Variants in MED12L observed in about 807,000 individuals in gnomAD.
The protein encoded by MED12L is mediator complex subunit 12L, also known as mediator of RNA polymerase II transcription subunit 12-like protein.
MED12L carries 60 observed loss-of-function variants against 281.3 expected under a neutral mutation model. The observed-to-expected ratio is 0.21, with a 90% CI of 0.17 to 0.26. MED12L has a LOEUF of 0.26. Ranked by LOEUF, MED12L falls within the 10% of genes least tolerant of loss-of-function variation. The pLI, the probability that MED12L is intolerant of heterozygous loss-of-function variation, is 1.00. For missense variants in MED12L, 2,146 were observed against 2,680.9 expected (o/e 0.80, Z 4.41); for synonymous variants, 974 against 987.2 (o/e 0.99, Z 0.25).
At chr3:151,106,606 C>T in intron 2 of MED12L, among the ~76,000 whole-genome samples, 1 of 152,180 alleles carries the variant, frequency 6.6e-6, no homozygotes, top group Non-Finnish European at 1.5e-5. Context: ...CAGCTGCATT[C>T]CACTTCCTGC....
chr3:151,309,119 GCACACACACACACACA>G (rs1177424724), intron 16 of MED12L, among the ~76,000 whole-genome samples: 1 of 144,234 alleles, frequency 6.9e-6, no homozygotes, highest in Admixed American at 6.8e-5. Context: ...TGAAATACAC[GCACACACACACACACA>G]CACACGCACA....
At chr3:151,287,142 A>G (rs997879614) in intron 16 of MED12L, among the ~76,000 whole-genome samples, 6 of 152,224 alleles carry the variant, frequency 3.9e-5, no homozygotes, top group Non-Finnish European at 8.8e-5. Flanking sequence ...TAATCAGTCA[A>G]TGTTAAAAGT....
intron 16 of MED12L, among the ~76,000 whole-genome samples, chr3:151,290,177 C>G (rs142762143): frequency 6.6e-6 from 1 of 152,160 alleles, no homozygotes. Flanking sequence ...TGAGCCACCA[C>G]TTCCGACCGT....
intron 16 of MED12L, among the ~76,000 whole-genome samples, chr3:151,261,163 T>C (rs1044412604): frequency 1.8e-4 from 28 of 152,172 alleles, no homozygotes; most frequent in African/African-American, 6.3e-4. Context: ...TAAATTATAC[T>C]GTTCCCCATT....
intron 43 of MED12L, chr3:151,425,804 C>G (rs908393106): frequency 2.2e-6 from 1 of 450,906 alleles, no homozygotes; most frequent in African/African-American, 2.0e-5. Flanking sequence ...TTACACAGTA[C>G]TAAGGATACA....
rs761725143 is a variant in MED12L at position 151,328,207 on chromosome 3, G to A, written c.2251-21852G>A. The A allele has an allele frequency of 9.9e-6, 16 of 1,612,604 alleles. No homozygotes were observed. The East Asian group carries it at 3.3e-4, about 34-fold the overall frequency. ...GCAGTCTACAGTCAGTCTTATTGTT[G>A]GTTTGACTGTGAGTATATGGAACTC... On this transcript the variant is annotated intron_variant, in intron 16 of 44. Transcript: ENST00000687756.
intron 2 of MED12L, among the ~76,000 whole-genome samples, chr3:151,102,212 C>A (rs184628178): frequency 6.6e-6 from 1 of 152,086 alleles, no homozygotes; most frequent in Non-Finnish European, 1.5e-5. Context: ...CTCCCTTTAA[C>A]GCCTGTTATT....
chr3:151,212,611 T>G (rs941202765), intron 16 of MED12L: 2 of 152,116 alleles, frequency 1.3e-5, no homozygotes, highest in African/African-American at 4.8e-5. Flanking sequence ...CCAGGCTCAT[T>G]AAATGACGTA....
At chr3:151,321,862 A>G (rs1749038884) in intron 16 of MED12L, among the ~76,000 whole-genome samples, 2 of 151,826 alleles carry the variant, frequency 1.3e-5, no homozygotes. Flanking sequence ...ATTTTCTCTT[A>G]GTGTCCCCAT....
chr3:151,281,020 T>C (rs547310202), intron 16 of MED12L, among the ~76,000 whole-genome samples: 93 of 152,016 alleles, frequency 6.1e-4, no homozygotes, highest in African/African-American at 2.1e-3. Context: ...TTTATTAGAA[T>C]TGGAAGTAAG....
rs60866327 is a variant in MED12L at position 151,206,071 on chromosome 3, ATTT to A, written c.2250+12424_2250+12426del. ...CAGGGTTATGTTTTGAAAGAAAATA[ATTT>A]TTTTTTTTTTTTTTTTTTGCACATA... On this transcript the variant is annotated intron_variant, in intron 16 of 44. Transcript: ENST00000687756. 4.0e-3 allele frequency among the ~76,000 whole-genome samples: 497 copies of A among 124,144 alleles called. 5 individuals are homozygous for A. Among genetic ancestry groups the A allele is most frequent in the African/African-American group, 0.013 (461 of 34,202 alleles). 81.4% of individuals were successfully genotyped at this position (124,144 alleles called of 152,430 possible).
chr3:151,292,760 CG>C (rs1240532793), intron 16 of MED12L, among the ~76,000 whole-genome samples: 1 of 151,098 alleles, frequency 6.6e-6, no homozygotes, highest in Non-Finnish European at 1.5e-5. Flanking sequence ...TTAGTAGAGA[CG>C]GGGTTTCTCC....
At chr3:151,237,643 G>A (rs375876932) in intron 16 of MED12L, among the ~76,000 whole-genome samples, 9 of 152,038 alleles carry the variant, frequency 5.9e-5, no homozygotes, top group Admixed American at 1.3e-4. Flanking sequence ...GAGCCACTGC[G>A]CCCAGCCGCC....
intron 39 of MED12L, among the ~76,000 whole-genome samples, chr3:151,408,643 A>T (rs1202043506): frequency 6.6e-6 from 1 of 152,234 alleles, no homozygotes; most frequent in Non-Finnish European, 1.5e-5. Flanking sequence ...AAGATTGGTG[A>T]ACAGATGTTA....
intron 2 of MED12L, 96 bp from the exon 3 acceptor site, chr3:151,116,242 A>T (rs1456517316): frequency 6.4e-6 from 5 of 779,694 alleles, no homozygotes; most frequent in Non-Finnish European, 1.0e-5. Context: ...TCCTCTACAG[A>T]GTATAACAAA....
intron 5 of MED12L, among the ~76,000 whole-genome samples, chr3:151,154,284 T>G (rs754961380): frequency 9.2e-5 from 14 of 152,140 alleles, no homozygotes; most frequent in Non-Finnish European, 2.1e-4. Flanking sequence ...GCTTTATTTA[T>G]GGACTCCCAA....
rs1712848012 is a variant in MED12L at position 151,116,589 on chromosome 3, G to A, written c.204+147G>A. 8 of 586,316 alleles carry A rather than the reference G, an allele frequency of 1.4e-5. No individual in the cohort carries two copies. The South Asian group carries it at 1.7e-4, about 12-fold the overall frequency. The allele number at this position is 586,316 out of a possible 1,614,324, so 36.3% of individuals were successfully genotyped here. A position where few individuals can be genotyped will look rare whatever the true frequency, so the allele number is the denominator to read the frequency against. ...ATACCATGTATACCGTCCTGCCCCA[G>A]GATCCAATCAGGGATCATACATTGC... is the stretch of plus-strand genomic sequence containing the variant. On this transcript the variant is annotated intron_variant, in intron 3 of 44. Coordinates refer to ENST00000687756, the MANE Select transcript of MED12L (RefSeq NM_001393769.1).
intron 5 of MED12L, among the ~76,000 whole-genome samples, chr3:151,135,743 C>T (rs879406293): frequency 2.2e-4 from 33 of 152,276 alleles, no homozygotes; most frequent in Admixed American, 1.6e-3. Context: ...AAGCAGGCTG[C>T]GGGACTGGTG....
intron 16 of MED12L, among the ~76,000 whole-genome samples, chr3:151,347,008 C>T (rs1577392731): frequency 6.6e-6 from 1 of 152,106 alleles, no homozygotes; most frequent in East Asian, 1.9e-4. Flanking sequence ...ATAATTTTAA[C>T]TAGTGGATAC....
Sources: allele counts gnomAD v4.1 joint callset (sites outside exome capture counted in the v4.1 genomes callset), GRCh38; gene constraint gnomAD v4.1.1; transcripts MANE v1.5; gene names NCBI Gene and HGNC (gene_info 2026-07-23, HGNC 2026-07-21).